FAR2: variants seen among roughly 807,000 people sequenced by gnomAD.
FAR2 encodes fatty acyl-CoA reductase 2.
In FAR2, 19 loss-of-function variants were observed where a neutral mutation model predicts 56.0. The ratio of observed to expected loss-of-function variants is 0.34; its 90% CI spans 0.24 to 0.50. The LOEUF (loss-of-function observed/expected upper bound fraction) is 0.50. Ranked by LOEUF, FAR2 falls within the 20% of genes least tolerant of loss-of-function variation. FAR2 has a pLI of 0.98. For missense variants in FAR2, 508 were observed against 642.2 expected (o/e 0.79, Z 2.26); for synonymous variants, 219 against 218.8 (o/e 1.00, Z -0.01).
chr12:29,249,918 T>C (rs1396250040), intron 1 of FAR2, among the ~76,000 whole-genome samples: 1 of 152,210 alleles, frequency 6.6e-6, no homozygotes, highest in Non-Finnish European at 1.5e-5. Context: ...TTCATTAAAA[T>C]GCATCTACCT....
intron 10 of FAR2, among the ~76,000 whole-genome samples, chr12:29,322,826 C>T (rs1949574760): frequency 6.6e-6 from 1 of 152,182 alleles, no homozygotes; most frequent in African/African-American, 2.4e-5. Flanking sequence ...TTCCAGGTGT[C>T]ATCTGTCACC....
At chr12:29,175,479 T>C (rs1378724485) in intron 1 of FAR2, among the ~76,000 whole-genome samples, 1 of 152,234 alleles carries the variant, frequency 6.6e-6, no homozygotes, top group Non-Finnish European at 1.5e-5. Context: ...GCAAGATTTA[T>C]TGTGAAGAGC....
chr12:29,165,418 GAGGAAAATT>G (rs1949816664), intron 1 of FAR2, among the ~76,000 whole-genome samples: 1 of 152,176 alleles, frequency 6.6e-6, no homozygotes, highest in Admixed American at 6.5e-5. Flanking sequence ...GATCACAGAC[GAGGAAAATT>G]AGGCCCACAA....
intron 1 of FAR2, among the ~76,000 whole-genome samples, chr12:29,165,701 T>C (rs1393919136): frequency 6.6e-6 from 1 of 152,174 alleles, no homozygotes; most frequent in Non-Finnish European, 1.5e-5. Flanking sequence ...ACAGAGTGTC[T>C]TTGTTATCAA....
At chr12:29,188,062 G>T (rs1269749378) in intron 1 of FAR2, among the ~76,000 whole-genome samples, 1 of 152,110 alleles carries the variant, frequency 6.6e-6, no homozygotes, top group Non-Finnish European at 1.5e-5. Context: ...CCATCCTCAT[G>T]CTGGCCTCAT....
intron 1 of FAR2, among the ~76,000 whole-genome samples, chr12:29,165,793 C>T (rs904948284): frequency 2.0e-5 from 3 of 152,112 alleles, no homozygotes; most frequent in Admixed American, 6.5e-5. Flanking sequence ...GTTAGAGTTT[C>T]CTTGCAAATT....
At chr12:29,155,776 C>T (rs375855206) in intron 1 of FAR2, among the ~76,000 whole-genome samples, 1 of 152,152 alleles carries the variant, frequency 6.6e-6, no homozygotes, top group Non-Finnish European at 1.5e-5. Context: ...TTATTATGAC[C>T]TTTAAATCCT....
intron 4 of FAR2, among the ~76,000 whole-genome samples, chr12:29,306,948 T>C (rs1949261558): frequency 1.3e-5 from 2 of 152,220 alleles, no homozygotes; most frequent in South Asian, 2.1e-4. Flanking sequence ...ATGCATTACA[T>C]AGGTTTGCTA....
intron 1 of FAR2, among the ~76,000 whole-genome samples, chr12:29,261,504 T>C (rs1948417654): frequency 6.6e-6 from 1 of 152,154 alleles, no homozygotes; most frequent in South Asian, 2.1e-4. Context: ...GAAAGTTTAC[T>C]CAAAGGGATA....
chr12:29,280,963 T>C (rs186484837), intron 2 of FAR2: 1 of 152,358 alleles, frequency 6.6e-6, no homozygotes, highest in African/African-American at 2.4e-5. Flanking sequence ...GGTTCTGCCA[T>C]GGCCTTCTTT....
chr12:29,304,586 A>C (rs1183107915), intron 4 of FAR2, among the ~76,000 whole-genome samples: 1 of 152,224 alleles, frequency 6.6e-6, no homozygotes, highest in Non-Finnish European at 1.5e-5. Flanking sequence ...TGAGGGTATC[A>C]GGGGAGGGGA....
intron 2 of FAR2, among the ~76,000 whole-genome samples, chr12:29,288,922 T>G (rs903580901): frequency 2.6e-5 from 4 of 152,088 alleles, no homozygotes; most frequent in African/African-American, 9.7e-5. Flanking sequence ...AAGAAATTTT[T>G]TAAAAAGCCT....
At chr12:29,179,155 A>T (rs941564226) in intron 1 of FAR2, among the ~76,000 whole-genome samples, 1 of 152,212 alleles carries the variant, frequency 6.6e-6, no homozygotes, top group Non-Finnish European at 1.5e-5. Context: ...TAAGGTCCTT[A>T]TCTCCAAATA....
chr12:29,189,875 A>C (rs1397135915), intron 1 of FAR2, among the ~76,000 whole-genome samples: 2 of 152,180 alleles, frequency 1.3e-5, no homozygotes, highest in African/African-American at 4.8e-5. Flanking sequence ...ATAGGTTTGA[A>C]TTAGGATGGT....
chr12:29,281,216 C>T lies in FAR2; in HGVS notation c.189+10578C>T, dbSNP rs1462164217. ...TCTATCTCTTGTCATTGTAGAACAG[C>T]GAAGTTGAAGAAAAAATAAAATCAA... On this transcript the variant is annotated intron_variant, in intron 2 of 11. Transcript: ENST00000536681. 3.9e-5 allele frequency: 6 copies of T among 151,918 alleles called. No homozygotes were observed. The East Asian group carries it at 5.8e-4, about 15-fold the overall frequency. The allele number at this position is 151,918 out of a possible 1,614,324, so 9.4% of individuals were successfully genotyped here. A position where few individuals can be genotyped will look rare whatever the true frequency, so the allele number is the denominator to read the frequency against.
chr12:29,334,773 A>G lies in FAR2; in HGVS notation c.*979A>G, dbSNP rs1285765279. 6.6e-6 allele frequency: 1 copy of G among 152,220 alleles called. No homozygotes were observed. The highest frequency in any genetic ancestry group is 2.4e-5 in the African/African-American group (1 of 41,464). The allele number at this position is 152,220 out of a possible 1,614,324, so 9.4% of individuals were successfully genotyped here. ...GAAGATTACACTTATGTGATCACCA[A>G]AGGATTTACTAGTATCTTGGTCATT... On this transcript the variant is annotated 3_prime_UTR_variant, in exon 12 of 12. Transcript: ENST00000536681.
intron 6 of FAR2, among the ~76,000 whole-genome samples, chr12:29,309,473 GA>G (rs1323113153): frequency 1.3e-5 from 2 of 152,140 alleles, no homozygotes; most frequent in African/African-American, 4.8e-5. Context: ...TTTTATTTTT[GA>G]AGTCTTTGAG....
intron 4 of FAR2, among the ~76,000 whole-genome samples, chr12:29,304,774 A>T (rs542173939): frequency 6.6e-6 from 1 of 152,332 alleles, no homozygotes; most frequent in Non-Finnish European, 1.5e-5. Flanking sequence ...ATTTTCAATG[A>T]CTTTATGCTT....
At position 29,232,527 on chromosome 12, in the gene FAR2, C is replaced by T. The variant is rs190116064; in HGVS notation, c.-38-37885C>T. 2.3e-3 allele frequency among the ~76,000 whole-genome samples: 355 copies of T among 152,194 alleles called. 1 individual carries two copies. The highest frequency in any genetic ancestry group is 8.2e-3 in the African/African-American group (341 of 41,536). ...TGAAAATTGACTATCCATTAGGACA[C>T]GACTTCCCACTACAGCTATATCAAA... On this transcript the variant is annotated intron_variant, in intron 1 of 11. Transcript: ENST00000536681.
Sources: gnomAD v4.1 joint callset for allele counts (sites outside exome capture counted in the v4.1 genomes callset) on GRCh38, gnomAD v4.1.1 for gene constraint, MANE v1.5 for transcripts, NCBI Gene and HGNC (gene_info 2026-07-23, HGNC 2026-07-21) for gene names.